The following ORC5 variants were observed in gnomAD, a reference collection of about 807,000 sequenced individuals.
The protein encoded by ORC5 is origin recognition complex subunit 5.
In ORC5, 39 loss-of-function variants were observed where a neutral mutation model predicts 58.8. The ratio of observed to expected loss-of-function variants is 0.66; its 90% CI spans 0.51 to 0.87. ORC5 has a LOEUF of 0.87. ORC5 is among the 40% of genes least tolerant of loss of function. The pLI is 0.00. For synonymous variants in ORC5, 218 were observed against 177.6 expected, an observed-to-expected ratio of 1.23 and a Z score of -1.81; for missense variants, 493 against 506.3, an observed-to-expected ratio of 0.97 and a Z score of 0.25.
chr7:104,180,518 T>G (rs1330297052), intron 8 of ORC5, among the ~76,000 whole-genome samples: 1 of 152,178 alleles, frequency 6.6e-6, no homozygotes, highest in African/African-American at 2.4e-5. Flanking sequence ...TTTGATCAGG[T>G]GTTTTAAACC....
intron 12 of ORC5, among the ~76,000 whole-genome samples, chr7:104,159,266 G>C (rs1234175487): frequency 7.4e-6 from 1 of 135,296 alleles, no homozygotes; most frequent in Non-Finnish European, 1.5e-5. Flanking sequence ...TCATAGGTGG[G>C]AATTGAACAA....
chr7:104,134,110 G>T (rs80098316), intron 13 of ORC5, among the ~76,000 whole-genome samples: 2,273 of 152,116 alleles, frequency 0.015, 70 homozygotes, highest in African/African-American at 0.052. Context: ...TAGAATGTGG[G>T]GTTTAAACAG....
In ORC5 at chr7:104,200,802, G is replaced by C. The variant is rs1562830917; in HGVS notation, c.322C>G (p.Gln108Glu). The C allele has an allele frequency of 1.9e-6, 3 of 1,611,876 alleles. No homozygotes were observed. Among genetic ancestry groups the C allele is most frequent in the African/African-American group, 1.3e-5 (1 of 75,004 alleles). The change falls in exon 3 of 14, where the codon CAA becomes GAA. Residue 108 changes from glutamine to glutamate, a missense_variant. By Grantham distance (29) the Gln-to-Glu change is conservative (BLOSUM62 2). This residue lies in a region of ORC5 where 412 missense variants were observed against 403.7 expected (regional missense o/e 1.02). Transcript: ENST00000297431. ...TTAAGATTTTCAGCTGTGGTTACTT[G>C]TTTAAACAAGCGAACAAAGTCATTA... is the stretch of plus-strand genomic sequence containing the variant. ...TFNDFVRLFK[Q>E]VTTAENLKDQ...
intron 12 of ORC5, among the ~76,000 whole-genome samples, chr7:104,152,635 G>A (rs1798864568): frequency 6.6e-6 from 1 of 152,042 alleles, no homozygotes. Flanking sequence ...GCATTTGCAA[G>A]CACATATCCA....
At chr7:104,196,920 C>T (rs916053406) in intron 4 of ORC5, among the ~76,000 whole-genome samples, 13 of 152,198 alleles carry the variant, frequency 8.5e-5, no homozygotes, top group African/African-American at 2.9e-4. Flanking sequence ...CTGGAAACAA[C>T]CACAGCTATT....
chr7:104,132,423 T>C (rs976131549), intron 13 of ORC5, among the ~76,000 whole-genome samples: 2 of 152,156 alleles, frequency 1.3e-5, no homozygotes, highest in African/African-American at 4.8e-5. Flanking sequence ...GTGATCCCTA[T>C]TATCTCATTT....
chr7:104,171,423 C>T (rs879318226), intron 8 of ORC5, among the ~76,000 whole-genome samples: 13 of 152,156 alleles, frequency 8.5e-5, no homozygotes, highest in Non-Finnish European at 1.6e-4. Context: ...TTCTAAAGTG[C>T]TCCCTTCTGG....
At chr7:104,190,962 A>T (rs894712279) in intron 5 of ORC5, among the ~76,000 whole-genome samples, 1 of 151,938 alleles carries the variant, frequency 6.6e-6, no homozygotes, top group African/African-American at 2.4e-5. Flanking sequence ...CTGAAAATTT[A>T]TAAACAGAAG....
At chr7:104,195,085 A>T in intron 5 of ORC5, 58 bp downstream of exon 5, 1 of 872,058 alleles carries the variant, frequency 1.1e-6, no homozygotes, top group South Asian at 1.7e-5. Flanking sequence ...TTAATCTTTC[A>T]AACAACAAAA....
chr7:104,144,705 T>G (rs1325636963), intron 12 of ORC5, among the ~76,000 whole-genome samples: 1 of 152,182 alleles, frequency 6.6e-6, no homozygotes, highest in Admixed American at 6.5e-5. Context: ...TGCAGTGAGC[T>G]GAGATCGTGC....
intron 1 of ORC5, among the ~76,000 whole-genome samples, chr7:104,207,254 T>A (rs1007629188): frequency 6.6e-6 from 1 of 152,260 alleles, no homozygotes; most frequent in Non-Finnish European, 1.5e-5. Context: ...TCCCTACGTA[T>A]CTATGTTCAT....
rs1008461579 is a variant in ORC5, at chr7:104,207,964, G to C, written c.-60C>G. The C allele has an allele frequency of 1.3e-4, 203 of 1,518,550 alleles. No individual in the cohort carries two copies. The highest frequency in any genetic ancestry group is 1.7e-4 in the Non-Finnish European group (185 of 1,095,574). The allele number at this position is 1,518,550 out of a possible 1,614,324, so 94.1% of individuals were successfully genotyped here. On this transcript the variant is annotated 5_prime_UTR_variant, in exon 1 of 14. Transcript: ENST00000297431. Reference sequence around the variant, plus strand: ...AGCCCACAGGACCCTTGCACAAGACGGAGCCTCTCCCGAGTCTGGCGGCCC... The same window carrying C: ...AGCCCACAGGACCCTTGCACAAGACCGAGCCTCTCCCGAGTCTGGCGGCCC...
chr7:104,137,989 G>A (rs1798616859), intron 12 of ORC5, among the ~76,000 whole-genome samples: 1 of 152,142 alleles, frequency 6.6e-6, no homozygotes, highest in Admixed American at 6.5e-5. Flanking sequence ...ACTGTAACAC[G>A]CCCACTGCGG....
intron 8 of ORC5, among the ~76,000 whole-genome samples, chr7:104,177,910 T>C (rs1229107002): frequency 1.3e-5 from 2 of 152,256 alleles, no homozygotes; most frequent in African/African-American, 4.8e-5. Context: ...CTCATCCTTT[T>C]CATGGCTGCA....
intron 8 of ORC5, among the ~76,000 whole-genome samples, chr7:104,182,884 C>T (rs2115968471): frequency 6.6e-6 from 1 of 152,248 alleles, no homozygotes; most frequent in East Asian, 1.9e-4. Flanking sequence ...CCTGTAATCC[C>T]AGCACTTTGG....
chr7:104,162,697 C>G (rs1799044413), intron 11 of ORC5, among the ~76,000 whole-genome samples: 1 of 152,100 alleles, frequency 6.6e-6, no homozygotes, highest in South Asian at 2.1e-4. Flanking sequence ...ATAATGAATA[C>G]CAATGGACTC....
At chr7:104,189,483 A>T (rs76448903) in intron 5 of ORC5, among the ~76,000 whole-genome samples, 4,323 of 152,114 alleles carry the variant, frequency 0.028, 185 homozygotes, top group African/African-American at 0.099. Flanking sequence ...CTCAGTGGGG[A>T]CACAAAGCCA....
At chr7:104,168,419 G>T in intron 9 of ORC5, 54 bp downstream of exon 9, 1 of 1,589,846 alleles carries the variant, frequency 6.3e-7, no homozygotes, top group South Asian at 1.1e-5. Context: ...TTAGTATCTT[G>T]ATAATTAGCT....
chr7:104,183,756 A>C (rs930197428), intron 8 of ORC5, among the ~76,000 whole-genome samples, 187 bp downstream of exon 8: 72 of 152,296 alleles, frequency 4.7e-4, no homozygotes, highest in African/African-American at 1.7e-3. Flanking sequence ...TTCCTTTAAA[A>C]ACCTTGTCTT....
Sources: gnomAD v4.1 joint callset for allele counts (sites outside exome capture counted in the v4.1 genomes callset) on GRCh38, gnomAD v4.1.1 for gene constraint, gnomAD v4.1.1 regional missense constraint, MANE v1.5 for transcripts, NCBI Gene and HGNC (gene_info 2026-07-23, HGNC 2026-07-21) for gene names.